Variants in CACNA1G observed in about 807,000 individuals in gnomAD.
CACNA1G encodes voltage-dependent T-type calcium channel subunit alpha-1G.
A neutral mutation model predicts 219.4 loss-of-function variants in CACNA1G; 67 were observed. The observed-to-expected ratio is 0.31, with a 90% confidence interval of 0.25 to 0.37. The LOEUF is 0.37. Among genes scored for constraint, CACNA1G ranks in the 10% least tolerant of loss-of-function variants. The pLI is 1.00. For synonymous variants in CACNA1G, 1,296 were observed against 1,345.3 expected, an observed-to-expected ratio of 0.96 and a Z score of 0.80; for missense variants, 2,380 against 3,231.4, an observed-to-expected ratio of 0.74 and a Z score of 6.39.
At chr17:50,584,287 G>A (rs8074982) in intron 9 of CACNA1G, among the ~76,000 whole-genome samples, 6,828 of 152,116 alleles carry the variant, frequency 0.045, 534 homozygotes, top group African/African-American at 0.15. Flanking sequence ...GGTGGAGGGA[G>A]CGGGCTTAGA....
In CACNA1G at chr17:50,623,955, C is replaced by G; in HGVS notation, c.6109C>G (p.Arg2037Gly). 3.7e-6 allele frequency: 6 copies of G among 1,613,308 alleles called. No individual in the cohort carries two copies. Among genetic ancestry groups the G allele is most frequent in the Non-Finnish European group, 5.1e-6 (6 of 1,179,826 alleles). The stretch of plus-strand genomic sequence containing the variant: ...GCCAGGACCAGACTTACTGACTGTG[C>G]GGAAGTCTGGGGTCAGCCGAACGCA... ...ELPGPDLLTV[R>G]KSGVSRTHSL... Residue 2037 changes from arginine (R) to glycine (G), a missense_variant, in exon 36 of 38, where the codon CGG becomes GGG. Arg to Gly is a moderately radical substitution (Grantham distance 125). Coordinates refer to ENST00000359106, the MANE Select transcript of CACNA1G (RefSeq NM_018896.5).
rs540248237 is a variant in CACNA1G, at chr17:50,621,190, G to A, written c.5926-470G>A. ...GCAGAAAACAGCCGTCAGATTGGTG[G>A]CATTGTCGCCGGCGCCCCCCGTGCC... On this transcript the variant is annotated intron_variant, in intron 34 of 37. Coordinates refer to ENST00000359106, the MANE Select transcript of CACNA1G (RefSeq NM_018896.5). The surrounding 1 kb of genome is among the most constrained non-coding windows in gnomAD (Gnocchi z 4.6). Among the ~76,000 whole-genome samples the A allele has an allele frequency of 2.6e-5, 4 of 152,244 alleles. No individual in the cohort carries two copies. Among genetic ancestry groups the A allele is most frequent in the Non-Finnish European group, 4.4e-5 (3 of 68,002 alleles).
intron 9 of CACNA1G, among the ~76,000 whole-genome samples, chr17:50,581,118 G>T (rs2041868242): frequency 6.6e-6 from 1 of 151,906 alleles, no homozygotes; most frequent in Admixed American, 6.6e-5. Flanking sequence ...AGGGCAGGAA[G>T]AGAGACGCGC....
rs375197638 is a variant in CACNA1G at position 50,624,542 on chromosome 17, G to A, written c.6399+13G>A. 5 of 1,570,612 alleles carry A rather than the reference G, an allele frequency of 3.2e-6. No homozygotes were observed. In the African/African-American group the frequency reaches 6.8e-5, roughly 21 times the overall value. ...ACTCAGGCGCCAGGTGAGCAGATGT[G>A]GAAAGGCAGGCACAGGCCTGGGGGC... On this transcript the variant is annotated intron_variant, in intron 37 of 37. Coordinates refer to ENST00000359106, the MANE Select transcript of CACNA1G (RefSeq NM_018896.5).
In CACNA1G at chr17:50,624,342, G is replaced by GGGCC; in HGVS notation, c.6230-18_6230-17insGGCC. 4.3e-6 allele frequency: 3 copies of GGGCC among 693,008 alleles called. No individual in the cohort carries two copies. The highest frequency in any genetic ancestry group is 6.1e-6 in the Non-Finnish European group (3 of 491,440). 42.9% of individuals were successfully genotyped at this position (693,008 alleles called of 1,614,324 possible). A position where few individuals can be genotyped will look rare whatever the true frequency, so the allele number is the denominator to read the frequency against. On this transcript the variant is annotated splice_polypyrimidine_tract_variant and intron_variant, in intron 36 of 37. Transcript: ENST00000359106. ...CATTCTCTCCCCCCACCCCTCCCCC[G>GGGCC]CTTCCCTCCCTCCACAGGCTCCGTC...
intron 33 of CACNA1G, 28 bp from the exon 34 acceptor site, chr17:50,619,655 C>T (rs761838862): frequency 1.5e-5 from 24 of 1,599,294 alleles, no homozygotes; most frequent in South Asian, 4.5e-5. Flanking sequence ...CCTGCCTCTC[C>T]GGCTCCCCTT....
At chr17:50,569,004 G>GT in intron 2 of CACNA1G, 23 bp downstream of exon 2, 1 of 1,513,490 alleles carries the variant, frequency 6.6e-7, no homozygotes, top group South Asian at 1.1e-5. Flanking sequence ...GTGTGTGTGT[G>GT]TGTGTGTGTG....
intron 9 of CACNA1G, among the ~76,000 whole-genome samples, chr17:50,587,473 T>C (rs2043219422): frequency 6.6e-6 from 1 of 152,238 alleles, no homozygotes; most frequent in African/African-American, 2.4e-5. Context: ...GTTGCTAAGA[T>C]TGTGTCTCTA....
Position 50,561,447 on chromosome 17 carries a change from G to A in CACNA1G, c.-13G>A, listed in dbSNP as rs1203335786. On this transcript the variant is annotated 5_prime_UTR_variant, in exon 1 of 38. Transcript: ENST00000359106. Reference sequence around the variant, plus strand: ...CCCTCTCCGGATCGCCCGGGGCCCCGGCTGGCCAGAGGATGGACGAGGAGG... The same window carrying A: ...CCCTCTCCGGATCGCCCGGGGCCCCAGCTGGCCAGAGGATGGACGAGGAGG... 6.5e-7 allele frequency: 1 copy of A among 1,533,844 alleles called. No homozygotes were observed. Among genetic ancestry groups the A allele is most frequent in the Non-Finnish European group, 8.7e-7 (1 of 1,146,498 alleles).
chr17:50,599,722 C>T lies in CACNA1G; in HGVS notation c.3553C>T (p.Arg1185Cys), dbSNP rs573971701. The change falls in exon 17 of 38, where the codon CGC becomes TGC. Residue 1185 changes from arginine to cysteine, a missense_variant. By Grantham distance (180) the Arg-to-Cys change is radical. Transcript: ENST00000359106. Reference protein sequence around the residue: ...PDTLQVPGLHRTASGRGSASE... With the variant: ...PDTLQVPGLHCTASGRGSASE... ...CACACTGCAGGTGCCAGGGCTGCAT[C>T]GCACTGCCAGTGGCCGAGGGTCTGC... is the stretch of plus-strand genomic sequence containing the variant. The T allele has an allele frequency of 4.3e-5, 70 of 1,613,536 alleles. No individual in the cohort carries two copies. Among genetic ancestry groups the T allele is most frequent in the African/African-American group, 6.7e-5 (5 of 75,064 alleles).
Position 50,591,749 on chromosome 17 carries a change from A to G in CACNA1G, c.2650A>G (p.Met884Val). 1 of 1,613,856 alleles carries G rather than the reference A, an allele frequency of 6.2e-7. No homozygotes were observed. Among genetic ancestry groups the G allele is most frequent in the Non-Finnish European group, 8.5e-7 (1 of 1,179,810 alleles). The change falls in exon 12 of 38, where the codon ATG (methionine) becomes GTG (valine). Residue 884 changes from methionine to valine, a missense_variant. By Grantham distance (21) the Met-to-Val change is conservative. Coordinates refer to ENST00000359106, the MANE Select transcript of CACNA1G (RefSeq NM_018896.5). ...LFIFIFSILG[M>V]HLFGCKFASE... ...CCCTTGTGCCCACAGCATCCTGGGC[A>G]TGCATCTCTTCGGCTGCAAGTTTGC... is the stretch of plus-strand genomic sequence containing the variant.
intron 22 of CACNA1G, 78 bp from the exon 23 acceptor site, chr17:50,605,820 G>T (rs761051075): frequency 6.5e-7 from 1 of 1,530,604 alleles, no homozygotes; most frequent in African/African-American, 1.4e-5. Flanking sequence ...CCAGGCTGGC[G>T]TGGGGGTGGG....
At chr17:50,622,121 CTA>C (rs1295665740) in intron 35 of CACNA1G, among the ~76,000 whole-genome samples, 1 of 152,136 alleles carries the variant, frequency 6.6e-6, no homozygotes, top group African/African-American at 2.4e-5. Context: ...CAGAGTCAAT[CTA>C]TGAATTTGGA....
chr17:50,580,368 C>T (rs539957629), intron 9 of CACNA1G, among the ~76,000 whole-genome samples: 2 of 152,248 alleles, frequency 1.3e-5, no homozygotes, highest in South Asian at 4.1e-4. Context: ...TCCCTCACCC[C>T]TGTTCCGGCC....
At chr17:50,611,217 G>A (rs1201629862) in intron 26 of CACNA1G, among the ~76,000 whole-genome samples, 1 of 148,898 alleles carries the variant, frequency 6.7e-6, no homozygotes, top group Non-Finnish European at 1.5e-5. Context: ...TCACGCCACT[G>A]CACTCCAGCC....
At chr17:50,584,804 T>A (rs1382511031) in intron 9 of CACNA1G, among the ~76,000 whole-genome samples, 2 of 150,814 alleles carry the variant, frequency 1.3e-5, no homozygotes, top group African/African-American at 4.9e-5. Context: ...GGCTGCAGAG[T>A]CCAGAAGGAT....
Position 50,598,388 on chromosome 17 carries a change from A to C in CACNA1G, c.3259-1040A>C, listed in dbSNP as rs117105568. Among the ~76,000 whole-genome samples the C allele has an allele frequency of 7.4e-3, 1,132 of 152,366 alleles. 11 individuals are homozygous for C. The highest frequency in any genetic ancestry group is 0.014 in the South Asian group (68 of 4,832). On this transcript the variant is annotated intron_variant, in intron 16 of 37. Coordinates refer to ENST00000359106, the MANE Select transcript of CACNA1G (RefSeq NM_018896.5). Reference sequence around the variant, plus strand: ...ACTAGGTTGATTCCATATATTGGCTATTGTGAATAATGCTGAAATGAAGAT... The same window carrying C: ...ACTAGGTTGATTCCATATATTGGCTCTTGTGAATAATGCTGAAATGAAGAT...
intron 23 of CACNA1G, 86 bp from the exon 24 acceptor site, chr17:50,606,814 T>C (rs1381030280): frequency 2.2e-6 from 2 of 923,886 alleles, no homozygotes; most frequent in Non-Finnish European, 3.5e-6. Flanking sequence ...TTGGAGCTGA[T>C]GCAGGAGGCA....
rs542304499 is a variant in CACNA1G at position 50,596,499 on chromosome 17, C to T, written c.2980-63C>T. Reference sequence around the variant, plus strand: ...GTGCGTGTGTGAAGAGAGGGAGGCCCGGTCCATCCCAACCACCCAAGCCTG... The same window carrying T: ...GTGCGTGTGTGAAGAGAGGGAGGCCTGGTCCATCCCAACCACCCAAGCCTG... On this transcript the variant is annotated intron_variant, in intron 14 of 37. Transcript: ENST00000359106. This position sits in a 1 kb window ranked among gnomAD's most constrained non-coding sequence, Gnocchi z 4.8. 44 of 1,349,576 alleles carry T rather than the reference C, an allele frequency of 3.3e-5. No individual in the cohort carries two copies. The highest frequency in any genetic ancestry group is 4.7e-5 in the South Asian group (4 of 84,756). The allele number at this position is 1,349,576 out of a possible 1,614,324, so 83.6% of individuals were successfully genotyped here. A position where few individuals can be genotyped will look rare whatever the true frequency, so the allele number is the denominator to read the frequency against.
Sources: gnomAD v4.1 joint callset for allele counts (sites outside exome capture counted in the v4.1 genomes callset) on GRCh38, gnomAD v4.1.1 for gene constraint, Gnocchi (gnomAD v3.1) non-coding constraint, MANE v1.5 for transcripts, NCBI Gene and HGNC (gene_info 2026-07-23, HGNC 2026-07-21) for gene names.